LRRC69: variants seen among roughly 807,000 people sequenced by gnomAD.
The protein encoded by LRRC69 is leucine rich repeat containing 69, also known as leucine-rich repeat-containing protein 69.
Under a neutral mutation model 37.8 loss-of-function variants are expected in LRRC69, and 42 were observed. That is an observed-to-expected ratio of 1.11 (90% CI 0.87 to 1.44). The LOEUF is 1.44. LRRC69 is among the 40% of genes most tolerant of loss of function. The pLI is 0.00. For missense variants in LRRC69, 357 were observed against 401.9 expected (o/e 0.89, Z 0.96); for synonymous variants, 141 against 143.1 (o/e 0.99, Z 0.11).
In LRRC69 at chr8:91,215,475, A is replaced by G. The variant is rs564399550; in HGVS notation, c.934-3415A>G. On this transcript the variant is annotated intron_variant, in intron 7 of 7. Transcript: ENST00000448384. ...CCATTCAACAAACATAAAACTTAGCAAAGAGTAATATTTGAATTTAAAGTG... is the reference window on the plus strand; with the variant it reads ...CCATTCAACAAACATAAAACTTAGCGAAGAGTAATATTTGAATTTAAAGTG... Among the ~76,000 whole-genome samples the G allele has an allele frequency of 6.6e-5, 10 of 152,310 alleles. 1 individual carries two copies. The East Asian group carries it at 1.9e-3, about 29-fold the overall frequency.
rs371631655 is a variant in LRRC69 at position 91,154,553 on chromosome 8, A to G, written c.651+18814A>G. Among the ~76,000 whole-genome samples, 7 of 152,064 alleles carry G rather than the reference A, an allele frequency of 4.6e-5. No individual in the cohort carries two copies. In the East Asian group the frequency reaches 5.8e-4, roughly 13 times the overall value. ...TGGTCAAGTGGTCTTCATTCATGGG[A>G]TGCAAGGCTGGTTCAACATATGCAA... On this transcript the variant is annotated intron_variant, in intron 5 of 7. Coordinates refer to ENST00000448384, the Ensembl canonical transcript of LRRC69.
chr8:91,113,207 A>G (rs907865076), intron 1 of LRRC69, among the ~76,000 whole-genome samples: 2 of 152,084 alleles, frequency 1.3e-5, no homozygotes, highest in Non-Finnish European at 2.9e-5. Flanking sequence ...CAAAAATAGA[A>G]AAAACAATTT....
At chr8:91,104,594 G>C (rs1394964474) in intron 1 of LRRC69, among the ~76,000 whole-genome samples, 2 of 151,494 alleles carry the variant, frequency 1.3e-5, no homozygotes, top group Admixed American at 6.6e-5. Flanking sequence ...ACTTTTCCTT[G>C]AGAGACTTCC....
chr8:91,190,383 G>A (rs114782522), intron 6 of LRRC69, among the ~76,000 whole-genome samples: 1,952 of 151,518 alleles, frequency 0.013, 49 homozygotes, highest in African/African-American at 0.045. Context: ...CTTTTAAAAA[G>A]TTTCTTACTA....
At chr8:91,178,202 G>A (rs1309724518) in intron 5 of LRRC69, among the ~76,000 whole-genome samples, 2 of 152,238 alleles carry the variant, frequency 1.3e-5, no homozygotes, top group East Asian at 1.9e-4. Flanking sequence ...GGATTTCTGC[G>A]ATGGATAAAA....
At chr8:91,104,273 G>C (rs1419889077) in intron 1 of LRRC69, among the ~76,000 whole-genome samples, 4 of 151,836 alleles carry the variant, frequency 2.6e-5, no homozygotes, top group Non-Finnish European at 2.9e-5. Flanking sequence ...ACCTTCAGCT[G>C]TCCTTTCCTC....
intron 5 of LRRC69, among the ~76,000 whole-genome samples, chr8:91,162,937 T>C (rs1281476290): frequency 6.6e-6 from 1 of 151,380 alleles, no homozygotes; most frequent in Admixed American, 6.6e-5. Context: ...TGTATTTCAG[T>C]TTTATTTATT....
At chr8:91,123,880 T>G (rs985462312) in intron 1 of LRRC69, among the ~76,000 whole-genome samples, 6 of 152,060 alleles carry the variant, frequency 3.9e-5, no homozygotes, top group African/African-American at 1.4e-4. Context: ...CTGACCAATC[T>G]GTTCTCTGTA....
intron 6 of LRRC69, among the ~76,000 whole-genome samples, chr8:91,198,741 TTAAA>T (rs1809663044): frequency 6.6e-6 from 1 of 152,120 alleles, no homozygotes; most frequent in Non-Finnish European, 1.5e-5. Flanking sequence ...TTCTTGACTT[TTAAA>T]TAACACTGGA....
At chr8:91,109,806 A>C (rs1813380039) in intron 1 of LRRC69, among the ~76,000 whole-genome samples, 1 of 152,054 alleles carries the variant, frequency 6.6e-6, no homozygotes, top group South Asian at 2.1e-4. Flanking sequence ...AATTGTTTTG[A>C]GAAATATGAC....
chr8:91,198,718 G>C (rs1169275650), intron 6 of LRRC69, among the ~76,000 whole-genome samples: 1 of 151,918 alleles, frequency 6.6e-6, no homozygotes, highest in African/African-American at 2.4e-5. Flanking sequence ...GACCACTTTG[G>C]TCTATAAAAG....
intron 6 of LRRC69, among the ~76,000 whole-genome samples, chr8:91,191,685 TG>T (rs1809498332): frequency 6.6e-6 from 1 of 152,142 alleles, no homozygotes; most frequent in South Asian, 2.1e-4. Flanking sequence ...GAGGAGGTTC[TG>T]GTTTGTGGAG....
chr8:91,180,255 G>A (rs1410245274), intron 5 of LRRC69, among the ~76,000 whole-genome samples: 1 of 152,144 alleles, frequency 6.6e-6, no homozygotes, highest in African/African-American at 2.4e-5. Flanking sequence ...TGGAATTGCA[G>A]TCATCTGAAG....
At chr8:91,214,864 CA>C (rs1341459460) in intron 7 of LRRC69, among the ~76,000 whole-genome samples, 1 of 151,338 alleles carries the variant, frequency 6.6e-6, no homozygotes, top group Non-Finnish European at 1.5e-5. Context: ...TCTCACTGGG[CA>C]AAAATCAAGA....
chr8:91,178,253 G>A (rs1202438706), intron 5 of LRRC69, among the ~76,000 whole-genome samples: 1 of 152,256 alleles, frequency 6.6e-6, no homozygotes, highest in Non-Finnish European at 1.5e-5. Flanking sequence ...TAGTTGGAAA[G>A]AGTCCAGGCC....
At chr8:91,199,829 G>A (rs1272366956) in intron 6 of LRRC69, among the ~76,000 whole-genome samples, 1 of 152,126 alleles carries the variant, frequency 6.6e-6, no homozygotes, top group Non-Finnish European at 1.5e-5. Flanking sequence ...TTAATTTTAT[G>A]CATTATGTAA....
chr8:91,212,965 C>G (rs74704440), intron 7 of LRRC69, among the ~76,000 whole-genome samples: 4 of 152,270 alleles, frequency 2.6e-5, no homozygotes, highest in African/African-American at 9.6e-5. Context: ...CTTACCCTTT[C>G]GGAGAACTCT....
chr8:91,153,694 C>A (rs896722830), intron 5 of LRRC69, among the ~76,000 whole-genome samples: 1 of 151,862 alleles, frequency 6.6e-6, no homozygotes, highest in African/African-American at 2.4e-5. Flanking sequence ...GTACCAGAAT[C>A]TCTGGGATGC....
intron 5 of LRRC69, among the ~76,000 whole-genome samples, chr8:91,150,063 G>A (rs1808703084): frequency 1.3e-5 from 2 of 151,856 alleles, no homozygotes; most frequent in South Asian, 4.1e-4. Flanking sequence ...TTTCCTAATT[G>A]AATACCCTTT....
Sources: gnomAD v4.1 joint callset for allele counts (sites outside exome capture counted in the v4.1 genomes callset) on GRCh38, gnomAD v4.1.1 for gene constraint, MANE v1.5 for transcripts, NCBI Gene and HGNC (gene_info 2026-07-23, HGNC 2026-07-21) for gene names.